Variants in ASTN2 observed in about 807,000 individuals in gnomAD.
ASTN2 encodes astrotactin-2.
Under a neutral mutation model 139.8 loss-of-function variants are expected in ASTN2, and 54 were observed. That is an observed-to-expected ratio of 0.39 (90% CI 0.31 to 0.48). The LOEUF is 0.48. Ranked by LOEUF, ASTN2 falls within the 20% of genes least tolerant of loss-of-function variation. ASTN2 has a pLI of 0.95. For synonymous variants in ASTN2, 756 were observed against 719.5 expected (o/e 1.05, Z -0.81); for missense variants, 1,565 against 1,725.1 (o/e 0.91, Z 1.64).
chr9:117,174,219 A>G (rs1440078204), intron 3 of ASTN2, among the ~76,000 whole-genome samples: 1 of 152,020 alleles, frequency 6.6e-6, no homozygotes, highest in Non-Finnish European at 1.5e-5. Flanking sequence ...TATCACAGGT[A>G]TACAAACACA....
chr9:116,995,066 T>C (rs1024337538), intron 7 of ASTN2, among the ~76,000 whole-genome samples: 2 of 83,358 alleles, frequency 2.4e-5, no homozygotes, highest in African/African-American at 5.2e-5. Context: ...GGCTGGGATT[T>C]GAATCTTCAT....
intron 1 of ASTN2, among the ~76,000 whole-genome samples, chr9:117,363,181 G>T (rs1829740400): frequency 6.6e-6 from 1 of 152,062 alleles, no homozygotes; most frequent in Non-Finnish European, 1.5e-5. Flanking sequence ...TCTGTTTCCT[G>T]CCAGGACCCT....
chr9:117,096,753 C>T (rs1041330229), intron 4 of ASTN2, among the ~76,000 whole-genome samples: 13 of 152,238 alleles, frequency 8.5e-5, no homozygotes, highest in Admixed American at 8.5e-4. Flanking sequence ...TGGGGGAGTG[C>T]AATTCATTTC....
At chr9:116,504,904 A>AAC in intron 19 of ASTN2, among the ~76,000 whole-genome samples, 1 of 150,054 alleles carries the variant, frequency 6.7e-6, no homozygotes, top group Non-Finnish European at 1.5e-5. Flanking sequence ...TCAAAAAAAA[A>AAC]AAAAAAAAAA....
At position 116,487,385 on chromosome 9, in the gene ASTN2, C is replaced by T; in HGVS notation, c.3471G>A (p.Lys1157=). The T allele has an allele frequency of 1.2e-6, 2 of 1,614,076 alleles. No homozygotes were observed. The highest frequency in any genetic ancestry group is 1.7e-6 in the Non-Finnish European group (2 of 1,179,982). Reference sequence around the variant, plus strand: ...TGTAGAGACCGTCGGGCTCCAGACACTTGAAGATGACTGAGTAGATACTGA... The same window carrying T: ...TGTAGAGACCGTCGGGCTCCAGACATTTGAAGATGACTGAGTAGATACTGA... ...PEVSIYSVIF[K]CLEPDGLYKF... Residue 1157 remains lysine (K), a synonymous_variant, in exon 20 of 23, where the codon AAG becomes AAA. Transcript: ENST00000313400.
intron 7 of ASTN2, among the ~76,000 whole-genome samples, chr9:116,988,906 C>T (rs1836760754): frequency 6.6e-6 from 1 of 152,122 alleles, no homozygotes; most frequent in African/African-American, 2.4e-5. Context: ...TGAGTTTCAT[C>T]ATTTTGACCT....
At chr9:117,379,098 C>T (rs79266701) in intron 1 of ASTN2, among the ~76,000 whole-genome samples, 13,678 of 152,188 alleles carry the variant, frequency 0.09, 1,044 homozygotes, top group East Asian at 0.26. Flanking sequence ...TCCTGTAAAG[C>T]ATGCAGAACT....
chr9:116,869,124 G>T (rs908629030), intron 10 of ASTN2, among the ~76,000 whole-genome samples: 4 of 152,126 alleles, frequency 2.6e-5, no homozygotes, highest in Admixed American at 1.3e-4. Flanking sequence ...GGCAGAGGTT[G>T]TAGTGAGCCG....
chr9:116,799,144 A>G, intron 13 of ASTN2, among the ~76,000 whole-genome samples: 1 of 152,174 alleles, frequency 6.6e-6, no homozygotes, highest in Non-Finnish European at 1.5e-5. Flanking sequence ...TGTTTAATTA[A>G]TCACCTCTTA....
intron 10 of ASTN2, among the ~76,000 whole-genome samples, chr9:116,950,776 C>T (rs1268756219): frequency 1.3e-5 from 2 of 152,150 alleles, no homozygotes; most frequent in Non-Finnish European, 1.5e-5. Flanking sequence ...TGTAAGTACC[C>T]TCCCTCCTGG....
intron 17 of ASTN2, among the ~76,000 whole-genome samples, chr9:116,626,927 G>A (rs1054023123): frequency 2.0e-5 from 3 of 152,190 alleles, no homozygotes; most frequent in Admixed American, 6.5e-5. Flanking sequence ...TCTGCCATCC[G>A]TCATCAGCAT....
At chr9:117,203,283 G>A (rs377458720) in intron 3 of ASTN2, among the ~76,000 whole-genome samples, 1 of 152,026 alleles carries the variant, frequency 6.6e-6, no homozygotes, top group African/African-American at 2.4e-5. Flanking sequence ...GTTAGAACAT[G>A]CTCCTTTAGC....
chr9:116,644,835 C>T (rs1459819687), intron 17 of ASTN2, among the ~76,000 whole-genome samples: 1 of 152,090 alleles, frequency 6.6e-6, no homozygotes, highest in East Asian at 1.9e-4. Flanking sequence ...AAAAGATTTG[C>T]TTTATATTCT....
At chr9:117,311,094 C>T (rs2130815160) in intron 1 of ASTN2, among the ~76,000 whole-genome samples, 1 of 152,278 alleles carries the variant, frequency 6.6e-6, no homozygotes, top group African/African-American at 2.4e-5. Flanking sequence ...GCATTCATCT[C>T]CTCAGCCTAG....
intron 1 of ASTN2, among the ~76,000 whole-genome samples, chr9:117,384,734 T>C (rs1234703811): frequency 6.6e-6 from 1 of 152,168 alleles, no homozygotes; most frequent in Non-Finnish European, 1.5e-5. Context: ...CTCGTTGATT[T>C]TGTCAAATTG....
rs760513760 is a variant in ASTN2, at chr9:116,698,729, G to A, written c.2806+27042C>T. The A allele has an allele frequency of 4.7e-5, 76 of 1,614,040 alleles. No individual in the cohort carries two copies. Among genetic ancestry groups the A allele is most frequent in the Admixed American group, 1.3e-4 (8 of 60,008 alleles). ...CTTTTAGAGAGATGGACATGAGCCC[G>A]GAGGAAGTGGTTGCCAGCCCTAGGG... On this transcript the variant is annotated intron_variant, in intron 16 of 22. Coordinates refer to ENST00000313400, the MANE Select transcript of ASTN2 (RefSeq NM_001365068.1). This position sits in a 1 kb window ranked among gnomAD's most constrained non-coding sequence, Gnocchi z 4.4.
At chr9:116,901,081 G>A (rs1054959884) in intron 10 of ASTN2, among the ~76,000 whole-genome samples, 3 of 140,156 alleles carry the variant, frequency 2.1e-5, no homozygotes, top group African/African-American at 7.5e-5. Flanking sequence ...TCCTATTTCC[G>A]GCTACTGATT....
chr9:116,744,942 A>G (rs1829194597), intron 13 of ASTN2, among the ~76,000 whole-genome samples: 1 of 152,104 alleles, frequency 6.6e-6, no homozygotes, highest in Non-Finnish European at 1.5e-5. Context: ...CAAGCAGGCC[A>G]AGTCACCACC....
chr9:116,662,998 G>A (rs567876223), intron 16 of ASTN2, among the ~76,000 whole-genome samples: 6 of 152,158 alleles, frequency 3.9e-5, no homozygotes, highest in Non-Finnish European at 5.9e-5. Flanking sequence ...ATAGGAGAAC[G>A]CCTTCTCTTT....
Sources: gnomAD v4.1 joint callset for allele counts (sites outside exome capture counted in the v4.1 genomes callset) on GRCh38, gnomAD v4.1.1 for gene constraint, Gnocchi (gnomAD v3.1) non-coding constraint, MANE v1.5 for transcripts, NCBI Gene and HGNC (gene_info 2026-07-23, HGNC 2026-07-21) for gene names.